The following THSD7A variants were observed in gnomAD, a reference collection of about 807,000 sequenced individuals.
The protein encoded by THSD7A is thrombospondin type 1 domain containing 7A.
THSD7A carries 96 observed loss-of-function variants against 231.3 expected under a neutral mutation model. The observed-to-expected ratio is 0.41, with a 90% CI of 0.35 to 0.49. The LOEUF is 0.49. THSD7A is among the 20% of genes least tolerant of loss of function. THSD7A has a pLI of 0.05. For synonymous variants in THSD7A, 940 were observed against 743.3 expected, an observed-to-expected ratio of 1.26 and a Z score of -4.30; for missense variants, 2,290 against 2,070.2, an observed-to-expected ratio of 1.11 and a Z score of -2.06.
At chr7:11,783,206 A>C (rs1157563039) in intron 1 of THSD7A, among the ~76,000 whole-genome samples, 1 of 152,150 alleles carries the variant, frequency 6.6e-6, no homozygotes, top group Non-Finnish European at 1.5e-5. Flanking sequence ...ACAAGTGGAA[A>C]ATGCATTTAA....
At chr7:11,533,085 A>G (rs1357564337) in intron 6 of THSD7A, among the ~76,000 whole-genome samples, 3 of 152,182 alleles carry the variant, frequency 2.0e-5, no homozygotes, top group Non-Finnish European at 4.4e-5. Flanking sequence ...AGTGATGGAT[A>G]TGGCTTTTGG....
At chr7:11,821,441 T>C (rs1583318313) in intron 1 of THSD7A, 1 of 266,234 alleles carries the variant, frequency 3.8e-6, no homozygotes, top group East Asian at 6.8e-5. Context: ...ATAGTAATAT[T>C]AGAAACATTT....
intron 1 of THSD7A, among the ~76,000 whole-genome samples, chr7:11,800,471 C>G (rs1311037796): frequency 1.3e-5 from 2 of 152,116 alleles, no homozygotes; most frequent in African/African-American, 4.8e-5. Context: ...ATCGGTTGAA[C>G]TCGGGAGGCA....
chr7:11,460,922 T>G (rs2128298215), intron 10 of THSD7A, among the ~76,000 whole-genome samples, 157 bp from the exon 11 acceptor site: 1 of 152,314 alleles, frequency 6.6e-6, no homozygotes, highest in Non-Finnish European at 1.5e-5. Context: ...CCATCTAGGC[T>G]TTAGAAGAAG....
At chr7:11,790,670 GTTTT>G (rs1315057601) in intron 1 of THSD7A, among the ~76,000 whole-genome samples, 1 of 151,420 alleles carries the variant, frequency 6.6e-6, no homozygotes, top group African/African-American at 2.4e-5. Context: ...GTCTAGAAAA[GTTTT>G]TTATGAAATG....
At chr7:11,783,723 A>G (rs1783702456) in intron 1 of THSD7A, among the ~76,000 whole-genome samples, 1 of 152,158 alleles carries the variant, frequency 6.6e-6, no homozygotes, top group African/African-American at 2.4e-5. Flanking sequence ...AGCACTGACA[A>G]TATTTGTTAC....
chr7:11,608,690 A>G (rs11979880), intron 2 of THSD7A, among the ~76,000 whole-genome samples: 1 of 152,272 alleles, frequency 6.6e-6, no homozygotes, highest in East Asian at 1.9e-4. Flanking sequence ...TGCTCCTGTT[A>G]TTCAAATTCC....
At chr7:11,475,907 A>G (rs938478815) in intron 7 of THSD7A, among the ~76,000 whole-genome samples, 2 of 144,340 alleles carry the variant, frequency 1.4e-5, no homozygotes, top group African/African-American at 5.1e-5. Flanking sequence ...ATCAGGTCAT[A>G]TTGAACTTAA....
intron 4 of THSD7A, among the ~76,000 whole-genome samples, chr7:11,589,299 C>T (rs1780056143): frequency 6.6e-6 from 1 of 152,158 alleles, no homozygotes; most frequent in African/African-American, 2.4e-5. Context: ...ATACAACACG[C>T]CCATCTTTAC....
At chr7:11,797,583 A>T (rs1026757148) in intron 1 of THSD7A, among the ~76,000 whole-genome samples, 1 of 151,400 alleles carries the variant, frequency 6.6e-6, no homozygotes, top group Non-Finnish European at 1.5e-5. Context: ...TGTCTGACTA[A>T]TTTTTTTAAT....
At position 11,791,943 on chromosome 7, in the gene THSD7A, T is replaced by C. The variant is rs1393396554; in HGVS notation, c.190+39814A>G. ...TTTTACTAATTTGATTCTTGCTTTC[T>C]GGTGATCTATTCATTCCATAATTTC... On this transcript the variant is annotated intron_variant, in intron 1 of 27. Transcript: ENST00000423059. Among the ~76,000 whole-genome samples, 5 of 152,054 alleles carry C rather than the reference T, an allele frequency of 3.3e-5. No individual in the cohort carries two copies. In the East Asian group the frequency reaches 5.8e-4, roughly 18 times the overall value.
At chr7:11,466,998 G>A (rs911024517) in intron 9 of THSD7A, among the ~76,000 whole-genome samples, 8 of 151,962 alleles carry the variant, frequency 5.3e-5, no homozygotes, top group Admixed American at 5.2e-4. Flanking sequence ...CTATCTACCC[G>A]CATAACACGA....
intron 18 of THSD7A, 44 bp downstream of exon 18, chr7:11,412,612 C>T (rs190736091): frequency 2.5e-6 from 4 of 1,608,898 alleles, no homozygotes; most frequent in Non-Finnish European, 3.4e-6. Context: ...CTGACAGACA[C>T]AGGATTTGGA....
In THSD7A at chr7:11,814,801, G is replaced by C. The variant is rs900946733; in HGVS notation, c.190+16956C>G. Among the ~76,000 whole-genome samples, 10 of 152,062 alleles carry C rather than the reference G, an allele frequency of 6.6e-5. No homozygotes were observed. Among genetic ancestry groups the C allele is most frequent in the African/African-American group, 1.2e-4 (5 of 41,406 alleles). On this transcript the variant is annotated intron_variant, in intron 1 of 27. Coordinates refer to ENST00000423059, the MANE Select transcript of THSD7A (RefSeq NM_015204.3). This position sits in a 1 kb window ranked among gnomAD's most constrained non-coding sequence, Gnocchi z 5.1. ...ATCCATTTTGATGACTCTCCCATTA[G>C]AGGTATGTAGTCACCACAGCAAACT...
intron 1 of THSD7A, among the ~76,000 whole-genome samples, chr7:11,714,103 G>T (rs564372952): frequency 9.8e-4 from 148 of 151,270 alleles, no homozygotes; most frequent in Admixed American, 2.4e-3. Flanking sequence ...GTCAAAAAAT[G>T]TTTGCAGGAA....
chr7:11,395,235 C>T (rs1783137165), intron 23 of THSD7A, among the ~76,000 whole-genome samples: 1 of 151,710 alleles, frequency 6.6e-6, no homozygotes, highest in South Asian at 2.1e-4. Flanking sequence ...AAGAGCATTA[C>T]ATATGGTAAA....
intron 1 of THSD7A, among the ~76,000 whole-genome samples, chr7:11,681,583 A>T (rs1317735977): frequency 3.3e-5 from 5 of 151,998 alleles, no homozygotes; most frequent in Non-Finnish European, 1.5e-5. Flanking sequence ...TTTTAAGAAG[A>T]CAAAATTTTC....
At chr7:11,684,364 G>T (rs140656856) in intron 1 of THSD7A, among the ~76,000 whole-genome samples, 1 of 147,658 alleles carries the variant, frequency 6.8e-6, no homozygotes, top group African/African-American at 2.5e-5. Flanking sequence ...ATTCAATGTT[G>T]TACTAGAAAT....
intron 22 of THSD7A, among the ~76,000 whole-genome samples, chr7:11,403,861 C>T (rs561826896): frequency 1.7e-4 from 26 of 152,168 alleles, no homozygotes; most frequent in Admixed American, 1.6e-3. Flanking sequence ...TAAAATTACC[C>T]GATGCCTGCC....
Sources: gnomAD v4.1 joint callset for allele counts (sites outside exome capture counted in the v4.1 genomes callset) on GRCh38, gnomAD v4.1.1 for gene constraint, Gnocchi (gnomAD v3.1) non-coding constraint, MANE v1.5 for transcripts, NCBI Gene and HGNC (gene_info 2026-07-23, HGNC 2026-07-21) for gene names.